ITGA9: variants seen among roughly 807,000 people sequenced by gnomAD.
ITGA9 encodes integrin subunit alpha 9.
ITGA9 carries 56 observed loss-of-function variants against 127.8 expected under a neutral mutation model. That is an observed-to-expected ratio of 0.44 (90% CI 0.35 to 0.55). The LOEUF (loss-of-function observed/expected upper bound fraction) is 0.55, where lower values mean the gene tolerates loss of function less well. ITGA9 is among the 20% of genes least tolerant of loss of function. The pLI is 0.00. For missense variants in ITGA9, 1,196 were observed against 1,347.1 expected, an observed-to-expected ratio of 0.89 and a Z score of 1.76; for synonymous variants, 508 against 514.5, an observed-to-expected ratio of 0.99 and a Z score of 0.17.
intron 10 of ITGA9, among the ~76,000 whole-genome samples, chr3:37,518,308 C>T (rs1339932437): frequency 6.6e-6 from 1 of 152,206 alleles, no homozygotes; most frequent in Non-Finnish European, 1.5e-5. Context: ...GGTGGGGCAA[C>T]CCTTGCCCAG....
At chr3:37,657,026 T>C (rs949007813) in intron 17 of ITGA9, among the ~76,000 whole-genome samples, 1 of 152,220 alleles carries the variant, frequency 6.6e-6, no homozygotes, top group Admixed American at 6.5e-5. Context: ...CAGCCTTGCA[T>C]CCCAGGGATG....
chr3:37,611,666 C>T (rs1700017674), intron 15 of ITGA9, among the ~76,000 whole-genome samples: 1 of 152,094 alleles, frequency 6.6e-6, no homozygotes, highest in Non-Finnish European at 1.5e-5. Context: ...GTTTGAGTAA[C>T]TTGGAAATCT....
intron 23 of ITGA9, among the ~76,000 whole-genome samples, chr3:37,768,788 GT>G (rs577459133): frequency 9.7e-4 from 139 of 143,882 alleles, no homozygotes; most frequent in East Asian, 1.2e-3. Context: ...TACCTTTTAG[GT>G]TTTTTTTTTT....
chr3:37,793,195 G>C (rs559339784), intron 26 of ITGA9, among the ~76,000 whole-genome samples: 4 of 151,780 alleles, frequency 2.6e-5, no homozygotes, highest in African/African-American at 9.7e-5. Flanking sequence ...GAGGTTCCTG[G>C]AACTCCCTCT....
At chr3:37,505,921 C>A in intron 6 of ITGA9, 79 bp from the exon 7 acceptor site, 1 of 1,081,392 alleles carries the variant, frequency 9.2e-7, no homozygotes, top group Non-Finnish European at 1.4e-6. Context: ...GCTTGAGAAA[C>A]ATTTTCCTCT....
chr3:37,499,051 G>A (rs572365031), intron 5 of ITGA9, among the ~76,000 whole-genome samples: 2 of 152,218 alleles, frequency 1.3e-5, no homozygotes, highest in Non-Finnish European at 2.9e-5. Flanking sequence ...GTGCCTGCTT[G>A]ACCTACAGGT....
intron 15 of ITGA9, among the ~76,000 whole-genome samples, chr3:37,616,536 C>T (rs1267650818): frequency 1.3e-5 from 2 of 152,134 alleles, no homozygotes; most frequent in Non-Finnish European, 2.9e-5. Context: ...CTTTCTGTCT[C>T]GTTGATCTGT....
chr3:37,774,006 T>G (rs1272551598), intron 23 of ITGA9, among the ~76,000 whole-genome samples: 1 of 152,256 alleles, frequency 6.6e-6, no homozygotes, highest in Non-Finnish European at 1.5e-5. Flanking sequence ...AGCCACATTT[T>G]TAGTCAGCAG....
chr3:37,542,246 T>C (rs2125590902), intron 14 of ITGA9, among the ~76,000 whole-genome samples, 179 bp from the exon 15 acceptor site: 1 of 152,242 alleles, frequency 6.6e-6, no homozygotes, highest in East Asian at 1.9e-4. Context: ...TCTCGATTCT[T>C]TGAGCACCCT....
chr3:37,454,575 C>T (rs1698236380), intron 1 of ITGA9, among the ~76,000 whole-genome samples: 1 of 152,140 alleles, frequency 6.6e-6, no homozygotes, highest in South Asian at 2.1e-4. Context: ...TCAAAAGTGC[C>T]CTCTCTTGTT....
At chr3:37,608,239 T>G (rs1699986687) in intron 15 of ITGA9, among the ~76,000 whole-genome samples, 2 of 152,190 alleles carry the variant, frequency 1.3e-5, no homozygotes, top group Non-Finnish European at 2.9e-5. Context: ...CCTCAAACAT[T>G]TATGTTTCCC....
At chr3:37,756,939 C>CCTTTATTCTTAA (rs1696659450) in intron 23 of ITGA9, among the ~76,000 whole-genome samples, 6 of 149,902 alleles carry the variant, frequency 4.0e-5, no homozygotes, top group African/African-American at 1.3e-4. Context: ...AAAAAGAAAT[C>CCTTTATTCTTAA]AAAGTTGAAG....
At chr3:37,573,827 C>CA (rs1380700773) in intron 15 of ITGA9, among the ~76,000 whole-genome samples, 2 of 152,122 alleles carry the variant, frequency 1.3e-5, no homozygotes, top group Non-Finnish European at 2.9e-5. Context: ...GACACAGTGG[C>CA]AGCAGTGGAC....
chr3:37,563,449 C>T (rs776219839), intron 15 of ITGA9, among the ~76,000 whole-genome samples: 10 of 151,998 alleles, frequency 6.6e-5, no homozygotes, highest in Non-Finnish European at 8.8e-5. Flanking sequence ...AGATTTGGTT[C>T]GGCTGGCACT....
In ITGA9 at chr3:37,505,652, C is replaced by T. The variant is rs757584209; in HGVS notation, c.743-348C>T. Among the ~76,000 whole-genome samples, 97 of 152,266 alleles carry T rather than the reference C, an allele frequency of 6.4e-4. 1 individual carries two copies. The highest frequency in any genetic ancestry group is 1.1e-3 in the Non-Finnish European group (72 of 68,012). ...GATCTGGGTGGTGGTTGCATGGCTA[C>T]GCTCATGTGTGCATTCATTGAGTTT... is the stretch of plus-strand genomic sequence containing the variant. On this transcript the variant is annotated intron_variant, in intron 6 of 27. Coordinates refer to ENST00000264741, the MANE Select transcript of ITGA9 (RefSeq NM_002207.3).
intron 24 of ITGA9, among the ~76,000 whole-genome samples, chr3:37,779,375 G>A (rs1258245355): frequency 6.6e-6 from 1 of 152,124 alleles, no homozygotes; most frequent in African/African-American, 2.4e-5. Context: ...GAAGTGCTGG[G>A]ATTACAGGCG....
intron 17 of ITGA9, among the ~76,000 whole-genome samples, chr3:37,658,801 C>T (rs917569336): frequency 2.6e-5 from 4 of 152,144 alleles, no homozygotes; most frequent in East Asian, 1.9e-4. Flanking sequence ...TACAATTTGG[C>T]GTGTTTTTGC....
intron 26 of ITGA9, among the ~76,000 whole-genome samples, chr3:37,800,995 T>A (rs1697229365): frequency 6.6e-6 from 1 of 151,956 alleles, no homozygotes; most frequent in South Asian, 2.1e-4. Flanking sequence ...TGAAACCCTG[T>A]CTCTATGAAA....
chr3:37,662,827 A>G lies in ITGA9; in HGVS notation c.1916+9037A>G, dbSNP rs947621745. ...AGAAAGATTTCTCTGATGACTGTGT[A>G]GACAGTTGGTCCATGGTGTTGTGGC... On this transcript the variant is annotated intron_variant, in intron 17 of 27. Transcript: ENST00000264741. 1.2e-4 allele frequency among the ~76,000 whole-genome samples: 18 copies of G among 152,226 alleles called. 1 individual carries two copies. The highest frequency in any genetic ancestry group is 1.5e-4 in the Non-Finnish European group (10 of 68,036).
Sources: gnomAD v4.1 joint callset for allele counts (sites outside exome capture counted in the v4.1 genomes callset) on GRCh38, gnomAD v4.1.1 for gene constraint, MANE v1.5 for transcripts, NCBI Gene and HGNC (gene_info 2026-07-23, HGNC 2026-07-21) for gene names.